POC5: variants seen among roughly 807,000 people sequenced by gnomAD.
POC5 encodes the protein POC5 centriolar protein.
POC5 carries 48 observed loss-of-function variants against 62.9 expected under a neutral mutation model. That is an observed-to-expected ratio of 0.76 (90% CI 0.61 to 0.97). The LOEUF (loss-of-function observed/expected upper bound fraction) is 0.97, where lower values mean the gene tolerates loss of function less well. Ranked by LOEUF, POC5 falls within the 50% of genes least tolerant of loss-of-function variation. The pLI, the probability that POC5 is intolerant of heterozygous loss-of-function variation, is 0.00. For synonymous variants in POC5, 236 were observed against 228.2 expected (o/e 1.03, Z -0.31); for missense variants, 696 against 679.5 (o/e 1.02, Z -0.27).
intron 6 of POC5, among the ~76,000 whole-genome samples, chr5:75,692,761 A>G (rs1776396402): frequency 6.6e-6 from 1 of 152,104 alleles, no homozygotes; most frequent in Admixed American, 6.6e-5. Context: ...AAGTTTATGT[A>G]TATGCAAATT....
At chr5:75,713,917 G>A (rs1777447454) in intron 1 of POC5, among the ~76,000 whole-genome samples, 1 of 152,190 alleles carries the variant, frequency 6.6e-6, no homozygotes, top group African/African-American at 2.4e-5. Flanking sequence ...TGGGTGCAAA[G>A]GATTGGCTAA....
At chr5:75,675,757 G>C (rs1030841068) in intron 11 of POC5, among the ~76,000 whole-genome samples, 36 of 152,206 alleles carry the variant, frequency 2.4e-4, no homozygotes, top group Non-Finnish European at 5.9e-5. Context: ...TCCTTGAGGA[G>C]GATGGGCAAG....
chr5:75,678,124 C>G (rs3815894), intron 10 of POC5, among the ~76,000 whole-genome samples, 174 bp from the exon 11 acceptor site: 1 of 151,804 alleles, frequency 6.6e-6, no homozygotes, highest in Admixed American at 6.6e-5. Flanking sequence ...AAACTGAACA[C>G]CCCAAAATAT....
At chr5:75,700,185 C>G (rs2112164257) in intron 5 of POC5, among the ~76,000 whole-genome samples, 1 of 151,896 alleles carries the variant, frequency 6.6e-6, no homozygotes, top group East Asian at 1.9e-4. Context: ...ATCAAGCTAC[C>G]AATGACTTTC....
At chr5:75,685,068 C>G (rs1047453992) in intron 10 of POC5, 139 bp downstream of exon 10, 1 of 892,190 alleles carries the variant, frequency 1.1e-6, no homozygotes, top group African/African-American at 1.7e-5. Context: ...GGGGTTTCAC[C>G]GTGTTAGCCA....
At chr5:75,712,385 T>C in intron 2 of POC5, 2 of 1,608,800 alleles carry the variant, frequency 1.2e-6, no homozygotes, top group Non-Finnish European at 1.7e-6. Context: ...CCCACTTCAT[T>C]TTATCTGTCA....
chr5:75,698,083 C>G (rs1335984312), intron 5 of POC5, among the ~76,000 whole-genome samples: 1 of 143,248 alleles, frequency 7.0e-6, no homozygotes, highest in African/African-American at 2.6e-5. Flanking sequence ...CCTGAGTGAC[C>G]TACAAAGAGA....
rs1561467862 is a variant in POC5 at position 75,690,493 on chromosome 5, G to A, written c.865C>T (p.Arg289Cys). ...TLLKKVWKVW[R>C]SVVQKQWKDV... The stretch of plus-strand genomic sequence containing the variant: ...TTCCACTGCTTTTGCACTACGGAAC[G>A]CCAGACTTTCCAGACTTTCTTCAGT... The change falls in exon 8 of 12, where the codon CGT becomes TGT. Residue 289 changes from arginine (R) to cysteine (C), a missense_variant. Coordinates refer to ENST00000428202, the MANE Select transcript of POC5 (RefSeq NM_001099271.2). 8.1e-6 allele frequency: 13 copies of A among 1,607,688 alleles called. No homozygotes were observed. Among genetic ancestry groups the A allele is most frequent in the African/African-American group, 2.7e-5 (2 of 74,826 alleles).
chr5:75,682,835 C>T (rs369569132), intron 10 of POC5, among the ~76,000 whole-genome samples: 1 of 152,150 alleles, frequency 6.6e-6, no homozygotes, highest in East Asian at 1.9e-4. Flanking sequence ...TTCTAAGTCA[C>T]AGCTCCCCCA....
At chr5:75,706,417 A>C (rs1777122623) in intron 3 of POC5, among the ~76,000 whole-genome samples, 1 of 152,206 alleles carries the variant, frequency 6.6e-6, no homozygotes, top group African/African-American at 2.4e-5. Flanking sequence ...AGGATATCTA[A>C]ACTTACTATA....
At chr5:75,682,064 CT>C (rs1418319201) in intron 10 of POC5, among the ~76,000 whole-genome samples, 1 of 152,358 alleles carries the variant, frequency 6.6e-6, no homozygotes, top group East Asian at 1.9e-4. Context: ...CTAAAGGCCA[CT>C]TACTTATGTG....
rs1561480377 is a variant in POC5 at position 75,705,705 on chromosome 5, ATC to A, written c.304_305del (p.Asp102Ter). On this transcript the variant is annotated frameshift_variant and splice_region_variant, in exon 4 of 12. Coordinates refer to ENST00000428202, the MANE Select transcript of POC5 (RefSeq NM_001099271.2). LOFTEE classifies it high-confidence loss of function. ...AAATAAGCTAAAGAAAAATCATACC[ATC>A]TGTCTTTGAATGACTTGAAATATGG... is the stretch of plus-strand genomic sequence containing the variant. ...DFHISSHSKTDESSPVLSPRK... is the reference protein window; with the variant it reads ...DFHISSHSKTXESSPVLSPRK... The A allele has an allele frequency of 6.6e-7, 1 of 1,515,864 alleles. No homozygotes were observed. The allele number at this position is 1,515,864 out of a possible 1,614,324, so 93.9% of individuals were successfully genotyped here. A position where few individuals can be genotyped will look rare whatever the true frequency, so the allele number is the denominator to read the frequency against.
At chr5:75,677,337 A>G (rs1579994944) in intron 11 of POC5, among the ~76,000 whole-genome samples, 1 of 152,202 alleles carries the variant, frequency 6.6e-6, no homozygotes, top group East Asian at 1.9e-4. Context: ...AAAGGGGAAG[A>G]CTTTTTTTAA....
intron 4 of POC5, among the ~76,000 whole-genome samples, chr5:75,703,394 G>A (rs987404864): frequency 3.3e-5 from 5 of 152,040 alleles, no homozygotes; most frequent in Non-Finnish European, 7.4e-5. Flanking sequence ...TTGGGAGGCC[G>A]AGGCGGGTGA....
chr5:75,678,191 A>G (rs1367584957), intron 10 of POC5, among the ~76,000 whole-genome samples: 1 of 152,072 alleles, frequency 6.6e-6, no homozygotes, highest in East Asian at 1.9e-4. Context: ...TAAAAAACCA[A>G]CTTTTTTTTT....
At chr5:75,701,155 A>G (rs1373541692) in intron 5 of POC5, among the ~76,000 whole-genome samples, 1 of 138,202 alleles carries the variant, frequency 7.2e-6, no homozygotes, top group Admixed American at 7.4e-5. Context: ...TGTGGAAGTC[A>G]GTGTGGCGAT....
In POC5 at chr5:75,678,629, C is replaced by G. The variant is rs140903452; in HGVS notation, c.1408-679G>C. 1.3e-4 allele frequency among the ~76,000 whole-genome samples: 20 copies of G among 151,940 alleles called. No individual in the cohort carries two copies. In the East Asian group the frequency reaches 1.7e-3, roughly 13 times the overall value. ...ATATACTTTTTTTTACGAGGTAATA[C>G]AGAGACCTGCTATAGTTCTTAATGA... On this transcript the variant is annotated intron_variant, in intron 10 of 11. Coordinates refer to ENST00000428202, the MANE Select transcript of POC5 (RefSeq NM_001099271.2).
At chr5:75,700,010 AG>A (rs1217871372) in intron 5 of POC5, among the ~76,000 whole-genome samples, 1 of 151,970 alleles carries the variant, frequency 6.6e-6, no homozygotes, top group Non-Finnish European at 1.5e-5. Context: ...CCAACTTACA[AG>A]GGATGGGAAG....
chr5:75,705,703 C>G lies in POC5; in HGVS notation c.307+1G>C. ...ACAAATAAGCTAAAGAAAAATCATA[C>G]CATCTGTCTTTGAATGACTTGAAAT... On this transcript the variant is annotated splice_donor_variant, in intron 4 of 11. Coordinates refer to ENST00000428202, the MANE Select transcript of POC5 (RefSeq NM_001099271.2). LOFTEE classifies it high-confidence loss of function. The G allele has an allele frequency of 6.6e-7, 1 of 1,509,170 alleles. No individual in the cohort carries two copies. 93.5% of individuals were successfully genotyped at this position (1,509,170 alleles called of 1,614,324 possible).
Sources: gnomAD v4.1 joint callset for allele counts (sites outside exome capture counted in the v4.1 genomes callset) on GRCh38, gnomAD v4.1.1 for gene constraint, MANE v1.5 for transcripts, NCBI Gene and HGNC (gene_info 2026-07-23, HGNC 2026-07-21) for gene names.